Variants in CREB5 observed in about 807,000 individuals in gnomAD.
The protein encoded by CREB5 is cyclic AMP-responsive element-binding protein 5.
CREB5 carries 19 observed loss-of-function variants against 57.1 expected under a neutral mutation model. The observed-to-expected ratio is 0.33, with a 90% CI of 0.23 to 0.49. The LOEUF is 0.49. CREB5 is among the 20% of genes least tolerant of loss of function. The probability of loss-of-function intolerance (pLI) is 0.99; values close to 1 mark genes in which losing one functional copy is unlikely to be tolerated. For missense variants in CREB5, 579 were observed against 671.6 expected (o/e 0.86, Z 1.52); for synonymous variants, 238 against 238.3 (o/e 1.00, Z 0.01).
At chr7:28,790,314 C>G (rs1482417435) in intron 7 of CREB5, among the ~76,000 whole-genome samples, 1 of 151,990 alleles carries the variant, frequency 6.6e-6, no homozygotes, top group Non-Finnish European at 1.5e-5. Context: ...CCCTCCTTGG[C>G]AAAGCATGCA....
intron 1 of CREB5, among the ~76,000 whole-genome samples, chr7:28,310,663 T>C (rs1357100935): frequency 2.0e-5 from 3 of 152,252 alleles, no homozygotes; most frequent in East Asian, 1.9e-4. Context: ...TATACGAAAG[T>C]ATGTTTACCT....
chr7:28,677,922 A>C (rs1800393667), intron 5 of CREB5, among the ~76,000 whole-genome samples: 1 of 150,052 alleles, frequency 6.7e-6, no homozygotes, highest in African/African-American at 2.5e-5. Flanking sequence ...GAGAGAGAGA[A>C]AGAAAGGGCA....
At chr7:28,690,516 C>T (rs1490392021) in intron 5 of CREB5, among the ~76,000 whole-genome samples, 1 of 152,158 alleles carries the variant, frequency 6.6e-6, no homozygotes, top group Non-Finnish European at 1.5e-5. Context: ...GTTATAAAGT[C>T]CTGGATTCAA....
intron 1 of CREB5, among the ~76,000 whole-genome samples, chr7:28,487,827 C>A (rs1186571967): frequency 6.6e-6 from 1 of 152,224 alleles, no homozygotes; most frequent in Admixed American, 6.5e-5. Flanking sequence ...TTGGTGTACA[C>A]TTTGCCTGAG....
chr7:28,560,851 T>TGTGCGCGTGCGCGCGCGTGC (rs1795105392), intron 4 of CREB5, among the ~76,000 whole-genome samples: 1 of 69,142 alleles, frequency 1.4e-5, no homozygotes, highest in African/African-American at 5.7e-5. Flanking sequence ...TGTGCGCGTG[T>TGTGCGCGTGCGCGCGCGTGC]GTGTGTGCGT....
intron 5 of CREB5, among the ~76,000 whole-genome samples, chr7:28,673,035 G>A (rs1800129012): frequency 6.6e-6 from 1 of 152,144 alleles, no homozygotes; most frequent in African/African-American, 2.4e-5. Flanking sequence ...TTCTAAGTCA[G>A]TGTAGGCCAT....
At chr7:28,717,207 C>T (rs930230090) in intron 5 of CREB5, among the ~76,000 whole-genome samples, 2 of 148,796 alleles carry the variant, frequency 1.3e-5, no homozygotes, top group South Asian at 2.1e-4. Context: ...TACAGACGTG[C>T]GCCACCACGC....
At chr7:28,316,548 C>T (rs1046193809) in intron 1 of CREB5, among the ~76,000 whole-genome samples, 1 of 151,992 alleles carries the variant, frequency 6.6e-6, no homozygotes. Flanking sequence ...CAGAAATGCA[C>T]CGCCAGATCC....
Position 28,690,846 on chromosome 7 carries a change from T to C in CREB5, c.465-27907T>C, listed in dbSNP as rs534042347. ...CTTCTTTCTCTAGCCTTTCTTCTGT[T>C]ATGCCTTTTTTTTAAATTCAGGAAA... is the stretch of plus-strand genomic sequence containing the variant. On this transcript the variant is annotated intron_variant, in intron 5 of 10. Coordinates refer to ENST00000357727, the MANE Select transcript of CREB5 (RefSeq NM_182898.4). Among the ~76,000 whole-genome samples the C allele has an allele frequency of 7.9e-5, 12 of 152,306 alleles. No individual in the cohort carries two copies. The South Asian group carries it at 1.9e-3, about 24-fold the overall frequency.
chr7:28,820,728 T>TGA lies in CREB5; in HGVS notation c.*1451_*1452dup. On this transcript the variant is annotated 3_prime_UTR_variant, in exon 11 of 11. Transcript: ENST00000357727. ...AAGCTATCCTTCCACCTCCGCCTCC[T>TGA]GAGTAGCTGGGACCACAGGTTCACA... 6.6e-6 allele frequency: 1 copy of TGA among 152,248 alleles called. No homozygotes were observed. Among genetic ancestry groups the TGA allele is most frequent in the East Asian group, 1.9e-4 (1 of 5,178 alleles). 9.4% of individuals were successfully genotyped at this position (152,248 alleles called of 1,614,324 possible). A position where few individuals can be genotyped will look rare whatever the true frequency, so the allele number is the denominator to read the frequency against.
intron 7 of CREB5, among the ~76,000 whole-genome samples, chr7:28,741,325 C>T (rs537885537): frequency 1.3e-5 from 2 of 152,184 alleles, no homozygotes; most frequent in Non-Finnish European, 2.9e-5. Flanking sequence ...AAGAGCCTCC[C>T]TCCATCTGTT....
chr7:28,700,501 A>C (rs1014964084), intron 5 of CREB5, among the ~76,000 whole-genome samples: 1 of 152,206 alleles, frequency 6.6e-6, no homozygotes, highest in African/African-American at 2.4e-5. Context: ...AAGCTGAGTA[A>C]AAGTTTAACA....
chr7:28,651,721 C>T (rs1485362995), intron 5 of CREB5, among the ~76,000 whole-genome samples: 1 of 152,200 alleles, frequency 6.6e-6, no homozygotes, highest in Non-Finnish European at 1.5e-5. Flanking sequence ...TCCAAATGCA[C>T]CTATGTTTTC....
At chr7:28,313,430 T>C (rs1785317268) in intron 1 of CREB5, among the ~76,000 whole-genome samples, 1 of 152,240 alleles carries the variant, frequency 6.6e-6, no homozygotes, top group South Asian at 2.1e-4. Flanking sequence ...ACAGAAAGTA[T>C]TTTTATTACT....
At chr7:28,787,884 C>T (rs577091039) in intron 7 of CREB5, among the ~76,000 whole-genome samples, 2 of 152,192 alleles carry the variant, frequency 1.3e-5, no homozygotes, top group Non-Finnish European at 2.9e-5. Context: ...CTGCTATCAT[C>T]ATTGCCATTC....
intron 7 of CREB5, among the ~76,000 whole-genome samples, chr7:28,783,272 C>T (rs570793943): frequency 5.5e-4 from 84 of 152,180 alleles, no homozygotes; most frequent in Non-Finnish European, 9.7e-4. Flanking sequence ...GCACCATTTT[C>T]GTGTCACATT....
chr7:28,737,538 C>CATATATAT (rs1804057239), intron 7 of CREB5, among the ~76,000 whole-genome samples: 2 of 47,942 alleles, frequency 4.2e-5, no homozygotes, highest in South Asian at 6.8e-4. Flanking sequence ...TATATATATA[C>CATATATAT]GTATATATAT....
chr7:28,710,579 G>A (rs1228359469), intron 5 of CREB5, among the ~76,000 whole-genome samples: 1 of 152,098 alleles, frequency 6.6e-6, no homozygotes, highest in East Asian at 1.9e-4. Context: ...CTTGCTCCCA[G>A]GAGTTTTAAG....
At chr7:28,443,195 C>T (rs889303381) in intron 1 of CREB5, among the ~76,000 whole-genome samples, 1 of 152,210 alleles carries the variant, frequency 6.6e-6, no homozygotes, top group African/African-American at 2.4e-5. Flanking sequence ...GCATCAGCCT[C>T]ATGTTCATAT....
Sources: allele counts gnomAD v4.1 joint callset (sites outside exome capture counted in the v4.1 genomes callset), GRCh38; gene constraint gnomAD v4.1.1; transcripts MANE v1.5; gene names NCBI Gene and HGNC (gene_info 2026-07-23, HGNC 2026-07-21).